The following MINK1 variants were observed in gnomAD, a reference collection of about 807,000 sequenced individuals.
MINK1 encodes misshapen like kinase 1, also known as misshapen-like kinase 1.
Under a neutral mutation model 178.4 loss-of-function variants are expected in MINK1, and 46 were observed. The ratio of observed to expected loss-of-function variants is 0.26; its 90% CI spans 0.20 to 0.33. The LOEUF (loss-of-function observed/expected upper bound fraction) is 0.33. Among genes scored for constraint, MINK1 ranks in the 10% least tolerant of loss-of-function variants. The pLI is 1.00. For synonymous variants in MINK1, 797 were observed against 709.7 expected, an observed-to-expected ratio of 1.12 and a Z score of -1.96; for missense variants, 1,366 against 1,814.9, an observed-to-expected ratio of 0.75 and a Z score of 4.49.
chr17:4,841,332 T>C (rs907070736), intron 1 of MINK1, among the ~76,000 whole-genome samples: 1 of 152,144 alleles, frequency 6.6e-6, no homozygotes, highest in Non-Finnish European at 1.5e-5. Flanking sequence ...CACCGTCTTG[T>C]TCCAGGAACC....
intron 1 of MINK1, among the ~76,000 whole-genome samples, chr17:4,855,622 T>G (rs954885537): frequency 4.0e-5 from 6 of 149,568 alleles, no homozygotes; most frequent in African/African-American, 1.2e-4. Flanking sequence ...TACAAAAAAT[T>G]AGCCGAGTGT....
chr17:4,895,061 C>T lies in MINK1; in HGVS notation c.2918-14C>T. The T allele has an allele frequency of 2.5e-6, 4 of 1,612,756 alleles. No homozygotes were observed. Among genetic ancestry groups the T allele is most frequent in the Non-Finnish European group, 1.7e-6 (2 of 1,179,534 alleles). Reference sequence around the variant, plus strand: ...GCTGCAGCCCCTCCTCCCACCTCCTCCTCCTTCTGGCAGCCCTAGTGGGTG... The same window carrying T: ...GCTGCAGCCCCTCCTCCCACCTCCTTCTCCTTCTGGCAGCCCTAGTGGGTG... On this transcript the variant is annotated splice_polypyrimidine_tract_variant and intron_variant, in intron 24 of 31. Transcript: ENST00000355280. The surrounding 1 kb of genome is among the most constrained non-coding windows in gnomAD (Gnocchi z 4.3).
rs1317151384 is a variant in MINK1, at chr17:4,893,993, A to G, written c.2570A>G (p.Asp857Gly). 6.3e-7 allele frequency: 1 copy of G among 1,578,264 alleles called. No homozygotes were observed. Among genetic ancestry groups the G allele is most frequent in the Admixed American group, 1.9e-5 (1 of 53,912 alleles). Residue 857 changes from aspartate (D) to glycine (G), a missense_variant, in exon 22 of 32, where the codon GAT becomes GGT. Transcript: ENST00000355280. ...GSRDTPGGRS[D>G]GDTDSVSTMV... ...CCCACCTTCCTCTCTCACAGCAGCG[A>G]TGGGGATACAGACAGCGTCAGCACC...
rs1968227617 is a variant in MINK1 at position 4,886,621 on chromosome 17, A to G, written c.944A>G (p.Glu315Gly). ...HIDRSRKKRG[E>G]KEETEYEYSG... ...GACCGATCCCGGAAGAAGCGGGGTG[A>G]GAAAGGTCAGTGGGCAGGCTGGAGG... The change falls in exon 10 of 32, where the codon GAG (glutamate) becomes GGG (glycine). Residue 315 changes from glutamate to glycine, a missense_variant. Coordinates refer to ENST00000355280, the MANE Select transcript of MINK1 (RefSeq NM_153827.5). The surrounding 1 kb of genome is among the most constrained non-coding windows in gnomAD (Gnocchi z 6.1). 6.3e-7 allele frequency: 1 copy of G among 1,589,388 alleles called. No homozygotes were observed. The highest frequency in any genetic ancestry group is 8.6e-7 in the Non-Finnish European group (1 of 1,166,400).
chr17:4,875,011 A>G (rs1967053399), intron 1 of MINK1: 2 of 519,352 alleles, frequency 3.9e-6, no homozygotes, highest in South Asian at 2.8e-5. Flanking sequence ...AGGAGTGTTC[A>G]GAAAATTATG....
At chr17:4,872,264 A>G (rs1915945383) in intron 1 of MINK1, among the ~76,000 whole-genome samples, 1 of 150,762 alleles carries the variant, frequency 6.6e-6, no homozygotes, top group African/African-American at 2.4e-5. Flanking sequence ...CAGGAGGTGG[A>G]GGTTGCAGTG....
chr17:4,853,508 T>A (rs187582348), intron 1 of MINK1, among the ~76,000 whole-genome samples: 31 of 151,630 alleles, frequency 2.0e-4, no homozygotes, highest in Admixed American at 3.3e-4. Context: ...CTGTGTGCCA[T>A]CGGAAGGCTA....
At chr17:4,878,203 C>A in intron 1 of MINK1, 114 bp from the exon 2 acceptor site, 1 of 892,774 alleles carries the variant, frequency 1.1e-6, no homozygotes. Flanking sequence ...ACGTGCCCTC[C>A]TGATATGCTG....
At chr17:4,854,763 A>G (rs1187820034) in intron 1 of MINK1, 2 of 495,158 alleles carry the variant, frequency 4.0e-6, no homozygotes, top group Non-Finnish European at 8.1e-6. Context: ...GTAGCCATCG[A>G]TAGACAGAGG....
Position 4,896,996 on chromosome 17 carries a change from A to T in MINK1, c.3915+183A>T, listed in dbSNP as rs1438240083. 2 of 987,680 alleles carry T rather than the reference A, an allele frequency of 2.0e-6. No individual in the cohort carries two copies. The highest frequency in any genetic ancestry group is 5.8e-5 in the Admixed American group (2 of 34,444). The allele number at this position is 987,680 out of a possible 1,614,324, so 61.2% of individuals were successfully genotyped here. ...TCCCTTCAGATTCCGAGGACTTCCC[A>T]GCTGGCCCCCAGGGGGCGAGTGGTG... is the stretch of plus-strand genomic sequence containing the variant. On this transcript the variant is annotated intron_variant, in intron 31 of 31. Transcript: ENST00000355280. The surrounding 1 kb of genome is among the most constrained non-coding windows in gnomAD (Gnocchi z 4.6).
rs1353684265 is a variant in MINK1 at position 4,886,532 on chromosome 17, G to A, written c.855G>A (p.Lys285=). Reference sequence around the variant, plus strand: ...GCCCACCCACGGAGCAGCTACTGAAGTTTCCCTTCATCCGGGACCAGCCCA... The same window carrying A: ...GCCCACCCACGGAGCAGCTACTGAAATTTCCCTTCATCCGGGACCAGCCCA... ...LSRPPTEQLL[K]FPFIRDQPTE... is the part of the protein sequence containing the mutation. The change falls in exon 10 of 32, where the codon AAG becomes AAA. Residue 285 remains lysine (K), a synonymous_variant. Transcript: ENST00000355280. This position sits in a 1 kb window ranked among gnomAD's most constrained non-coding sequence, Gnocchi z 6.1. 6.2e-7 allele frequency: 1 copy of A among 1,613,646 alleles called. No individual in the cohort carries two copies. The highest frequency in any genetic ancestry group is 1.3e-5 in the African/African-American group (1 of 74,904).
intron 1 of MINK1, chr17:4,834,696 A>T (rs1909023830): frequency 3.9e-6 from 2 of 515,012 alleles, no homozygotes; most frequent in African/African-American, 3.9e-5. Flanking sequence ...CCAGACTATC[A>T]GCCAGGTGGT....
intron 1 of MINK1, among the ~76,000 whole-genome samples, chr17:4,850,245 G>C (rs996900293): frequency 2.6e-5 from 4 of 152,154 alleles, no homozygotes; most frequent in African/African-American, 9.7e-5. Context: ...GCATGAGCTG[G>C]CTCACCAGGC....
rs1479031224 is a variant in MINK1 at position 4,885,128 on chromosome 17, C to T, written c.508+126C>T. On this transcript the variant is annotated intron_variant, in intron 6 of 31. Transcript: ENST00000355280. This position sits in a 1 kb window ranked among gnomAD's most constrained non-coding sequence, Gnocchi z 5.0. ...CTACTGGGGAGGCTCACTCCCTCCC[C>T]TTTCCCCTCTCCCCCTGGAATGCCC... 2 of 841,666 alleles carry T rather than the reference C, an allele frequency of 2.4e-6. No individual in the cohort carries two copies. The highest frequency in any genetic ancestry group is 1.7e-5 in the African/African-American group (1 of 58,546). 52.1% of individuals were successfully genotyped at this position (841,666 alleles called of 1,614,324 possible). A position where few individuals can be genotyped will look rare whatever the true frequency, so the allele number is the denominator to read the frequency against.
intron 1 of MINK1, among the ~76,000 whole-genome samples, chr17:4,863,601 T>C (rs1914510411): frequency 6.6e-6 from 1 of 152,068 alleles, no homozygotes; most frequent in African/African-American, 2.4e-5. Flanking sequence ...GATTTTTCAG[T>C]CAAATCTTGG....
intron 1 of MINK1, among the ~76,000 whole-genome samples, chr17:4,849,616 A>C (rs1911610725): frequency 6.6e-6 from 1 of 152,152 alleles, no homozygotes; most frequent in Admixed American, 6.5e-5. Flanking sequence ...CTTGTTGCCC[A>C]GGCTGGAGTG....
At chr17:4,860,723 G>C in intron 1 of MINK1, 2 of 519,934 alleles carry the variant, frequency 3.8e-6, no homozygotes, top group East Asian at 5.4e-5. Flanking sequence ...CTCAAGGCTG[G>C]TGTGTGCCTG....
chr17:4,893,526 A>C lies in MINK1; in HGVS notation c.2493A>C (p.Glu831Asp), dbSNP rs776245677. The C allele has an allele frequency of 6.3e-7, 1 of 1,599,802 alleles. No individual in the cohort carries two copies. Among genetic ancestry groups the C allele is most frequent in the Non-Finnish European group, 8.6e-7 (1 of 1,169,080 alleles). Residue 831 changes from glutamate to aspartate, a missense_variant, in exon 21 of 32, where the codon GAA becomes GAC. Glu to Asp is a conservative substitution (Grantham distance 45). Around this residue, in one of 14 missense-constraint regions of MINK1, gnomAD observed 709 missense variants for 692.3 expected, o/e 1.02. Coordinates refer to ENST00000355280, the MANE Select transcript of MINK1 (RefSeq NM_153827.5). ...MDYSSSSEEV[E>D]SSEDDEEEGE... ...ACTCGTCGTCCAGCGAGGAGGTGGAAAGCAGTGAGGACGACGAGGAGGAAG... is the reference window on the plus strand; with the variant it reads ...ACTCGTCGTCCAGCGAGGAGGTGGACAGCAGTGAGGACGACGAGGAGGAAG...
At chr17:4,838,177 T>C (rs1290523446) in intron 1 of MINK1, among the ~76,000 whole-genome samples, 1 of 152,190 alleles carries the variant, frequency 6.6e-6, no homozygotes, top group East Asian at 1.9e-4. Flanking sequence ...TGGGGCTGTT[T>C]GGAGAGCTCG....
Sources: allele counts gnomAD v4.1 joint callset (sites outside exome capture counted in the v4.1 genomes callset), GRCh38; gene constraint gnomAD v4.1.1; regional missense constraint gnomAD v4.1.1; non-coding constraint Gnocchi (gnomAD v3.1); transcripts MANE v1.5; gene names NCBI Gene and HGNC (gene_info 2026-07-23, HGNC 2026-07-21).